The following PKIB variants were observed in gnomAD, a reference collection of about 807,000 sequenced individuals.
PKIB encodes the protein PKI-beta.
Under a neutral mutation model 4.5 loss-of-function variants are expected in PKIB, and 2 were observed. That is an observed-to-expected ratio of 0.44 (90% confidence interval 0.18 to 1.39). The LOEUF (loss-of-function observed/expected upper bound fraction) is 1.39, where lower values mean the gene tolerates loss of function less well. Among genes scored for constraint, PKIB ranks in the 40% most tolerant of loss-of-function variants. The pLI, the probability that PKIB is intolerant of heterozygous loss-of-function variation, is 0.27. For missense variants in PKIB, 94 were observed against 92.6 expected, an observed-to-expected ratio of 1.02 and a Z score of -0.06; for synonymous variants, 38 against 36.0, an observed-to-expected ratio of 1.06 and a Z score of -0.20.
intron 3 of PKIB, among the ~76,000 whole-genome samples, chr6:122,595,814 A>T (rs1275484130): frequency 1.3e-5 from 2 of 152,178 alleles, no homozygotes; most frequent in Non-Finnish European, 2.9e-5. Context: ...GGCCTATTGG[A>T]CGATGACAGG....
intron 2 of PKIB, among the ~76,000 whole-genome samples, chr6:122,567,324 G>A (rs1004116063): frequency 3.9e-5 from 6 of 152,276 alleles, no homozygotes; most frequent in African/African-American, 1.4e-4. Flanking sequence ...TTTGAAGTGT[G>A]TGCTTTATAC....
chr6:122,598,185 A>G (rs1320663208), intron 3 of PKIB, among the ~76,000 whole-genome samples: 2 of 152,186 alleles, frequency 1.3e-5, no homozygotes, highest in East Asian at 3.9e-4. Context: ...ATGGAAATTG[A>G]TTGAAAGGCT....
intron 1 of PKIB, among the ~76,000 whole-genome samples, chr6:122,612,704 T>A (rs1397209154): frequency 6.6e-6 from 1 of 152,162 alleles, no homozygotes. Context: ...TGGATGGATA[T>A]TTGGGTTGTT....
In PKIB at chr6:122,494,638, A is replaced by C. The variant is rs1249399985; in HGVS notation, c.-248+16699A>C. 3.3e-5 allele frequency among the ~76,000 whole-genome samples: 5 copies of C among 152,310 alleles called. No individual in the cohort carries two copies. In the South Asian group the frequency reaches 1.0e-3, roughly 32 times the overall value. On this transcript the variant is annotated intron_variant, in intron 2 of 6. Coordinates refer to the PKIB transcript ENST00000392491. The stretch of plus-strand genomic sequence containing the variant: ...AAATCTTGAAGATGGCAGACTTAGC[A>C]CTCTCACACAGAGAAACAGGGTAGA...
At chr6:122,544,182 A>C (rs1772411348) in intron 2 of PKIB, among the ~76,000 whole-genome samples, 1 of 151,986 alleles carries the variant, frequency 6.6e-6, no homozygotes, top group African/African-American at 2.4e-5. Context: ...TATAATCATA[A>C]GGTAAATTTT....
intron 4 of PKIB, among the ~76,000 whole-genome samples, chr6:122,718,772 C>T (rs1190511781): frequency 1.3e-5 from 2 of 152,076 alleles, no homozygotes; most frequent in African/African-American, 4.8e-5. Flanking sequence ...GCTCTTGGTT[C>T]TTTGCTTCAG....
At chr6:122,576,274 C>T (rs529691985) in intron 2 of PKIB, among the ~76,000 whole-genome samples, 6 of 148,624 alleles carry the variant, frequency 4.0e-5, no homozygotes, top group South Asian at 2.1e-4. Context: ...CCGAGGCAGG[C>T]GGATCACGAG....
intron 2 of PKIB, among the ~76,000 whole-genome samples, chr6:122,653,180 T>C (rs564559775): frequency 6.6e-6 from 1 of 152,316 alleles, no homozygotes; most frequent in Non-Finnish European, 1.5e-5. Context: ...TTACTTAAAA[T>C]GTTTAAAATG....
At chr6:122,509,791 G>A (rs1644356936) in intron 2 of PKIB, among the ~76,000 whole-genome samples, 1 of 152,068 alleles carries the variant, frequency 6.6e-6, no homozygotes, top group Non-Finnish European at 1.5e-5. Flanking sequence ...TGGCAAAAAG[G>A]ACCACTTAAC....
chr6:122,680,028 A>C (rs1013721258), intron 3 of PKIB, among the ~76,000 whole-genome samples: 1 of 152,246 alleles, frequency 6.6e-6, no homozygotes, highest in Non-Finnish European at 1.5e-5. Flanking sequence ...AATTCTGTAA[A>C]AATAGGTCAA....
intron 2 of PKIB, among the ~76,000 whole-genome samples, chr6:122,662,398 C>CTCCG (rs1410481210): frequency 5.1e-5 from 7 of 138,006 alleles, no homozygotes; most frequent in Non-Finnish European, 1.1e-4. Flanking sequence ...TCACTGCAAC[C>CTCCG]TCCGCCTCCC....
intron 2 of PKIB, among the ~76,000 whole-genome samples, chr6:122,650,007 C>T (rs1325557265): frequency 2.0e-5 from 3 of 152,204 alleles, no homozygotes; most frequent in African/African-American, 7.2e-5. Flanking sequence ...TTTGGGTACC[C>T]ACCTAAAACT....
intron 2 of PKIB, among the ~76,000 whole-genome samples, chr6:122,507,428 A>G (rs1025171857): frequency 6.6e-6 from 1 of 152,194 alleles, no homozygotes; most frequent in Non-Finnish European, 1.5e-5. Context: ...GGTTTGTTGT[A>G]GTTACAGGGA....
chr6:122,589,542 TA>T (rs936866669), intron 3 of PKIB, among the ~76,000 whole-genome samples: 1 of 152,056 alleles, frequency 6.6e-6, no homozygotes, highest in African/African-American at 2.4e-5. Context: ...CTTAAATTTG[TA>T]AAAAAATAAA....
At chr6:122,694,760 G>A (rs1218855908) in intron 3 of PKIB, among the ~76,000 whole-genome samples, 1 of 152,174 alleles carries the variant, frequency 6.6e-6, no homozygotes, top group Non-Finnish European at 1.5e-5. Flanking sequence ...GATGGATGGA[G>A]CAGAGTGCCT....
At chr6:122,559,601 G>A (rs150958036) in intron 2 of PKIB, among the ~76,000 whole-genome samples, 4,255 of 151,990 alleles carry the variant, frequency 0.028, 205 homozygotes, top group African/African-American at 0.097. Context: ...TATTTTGATG[G>A]GGATTGCATT....
chr6:122,567,155 C>T (rs1050978462), intron 2 of PKIB, among the ~76,000 whole-genome samples: 2 of 152,204 alleles, frequency 1.3e-5, no homozygotes, highest in Non-Finnish European at 2.9e-5. Flanking sequence ...AGGTGACTTC[C>T]AATTGCTGAT....
chr6:122,485,709 C>T (rs1041139857), intron 2 of PKIB, among the ~76,000 whole-genome samples: 1 of 152,120 alleles, frequency 6.6e-6, no homozygotes, highest in Non-Finnish European at 1.5e-5. Flanking sequence ...CCATCAAAGG[C>T]AGTGTTAAAG....
At chr6:122,525,042 G>A (rs923096821) in intron 2 of PKIB, among the ~76,000 whole-genome samples, 5 of 150,008 alleles carry the variant, frequency 3.3e-5, no homozygotes, top group African/African-American at 9.7e-5. Flanking sequence ...TTCCTTAGGT[G>A]CAGTGTTAGG....
Sources: gnomAD v4.1 joint callset for allele counts (sites outside exome capture counted in the v4.1 genomes callset) on GRCh38, gnomAD v4.1.1 for gene constraint, MANE v1.5 for transcripts, NCBI Gene and HGNC (gene_info 2026-07-23, HGNC 2026-07-21) for gene names.